The following DPP6 variants were observed in gnomAD, a reference collection of about 807,000 sequenced individuals.
The protein encoded by DPP6 is A-type potassium channel modulatory protein DPP6.
A neutral mutation model predicts 122.6 loss-of-function variants in DPP6; 69 were observed. The observed-to-expected ratio is 0.56, with a 90% CI of 0.46 to 0.69. The LOEUF is 0.69. Ranked by LOEUF, DPP6 falls within the 30% of genes least tolerant of loss-of-function variation. The pLI, the probability that DPP6 is intolerant of heterozygous loss-of-function variation, is 0.00. For synonymous variants in DPP6, 418 were observed against 433.1 expected, an observed-to-expected ratio of 0.97 and a Z score of 0.43; for missense variants, 928 against 1,116.9, an observed-to-expected ratio of 0.83 and a Z score of 2.41.
intron 1 of DPP6, among the ~76,000 whole-genome samples, chr7:153,978,872 A>T (rs1158272843): frequency 6.6e-6 from 1 of 152,016 alleles, no homozygotes; most frequent in African/African-American, 2.4e-5. Context: ...GTGCAGTGTT[A>T]CTTCTGAGGC....
At chr7:154,089,046 A>C (rs1004152341) in intron 1 of DPP6, among the ~76,000 whole-genome samples, 19 of 152,210 alleles carry the variant, frequency 1.2e-4, no homozygotes, top group Non-Finnish European at 2.1e-4. Context: ...ATGGAGTGAG[A>C]AGTAGTTGAA....
intron 1 of DPP6, among the ~76,000 whole-genome samples, chr7:153,908,506 A>G (rs1799943235): frequency 6.6e-6 from 1 of 152,210 alleles, no homozygotes; most frequent in Non-Finnish European, 1.5e-5. Flanking sequence ...TATAAAAAGA[A>G]TGGTAATTAA....
intron 3 of DPP6, chr7:154,475,416 C>T (rs1822644679): frequency 1.0e-5 from 3 of 289,228 alleles, no homozygotes; most frequent in Non-Finnish European, 2.0e-5. Flanking sequence ...AATCTTCATT[C>T]CCCTTTGTTC....
chr7:154,046,360 G>A (rs1258172677), intron 1 of DPP6, among the ~76,000 whole-genome samples: 1 of 152,200 alleles, frequency 6.6e-6, no homozygotes, highest in Non-Finnish European at 1.5e-5. Context: ...AAGTCAGGGT[G>A]GCAGTAGGTG....
chr7:153,853,986 G>A, the DPP6 span, among the ~76,000 whole-genome samples: 117 of 148,620 alleles, frequency 7.9e-4, no homozygotes, highest in Middle Eastern at 3.4e-3. Flanking sequence ...TAGGTCTAAC[G>A]TTTAAATCTT....
At chr7:153,843,583 T>C in the DPP6 span, among the ~76,000 whole-genome samples, 1 of 151,954 alleles carries the variant, frequency 6.6e-6, no homozygotes, top group African/African-American at 2.4e-5. Flanking sequence ...TTAAGTTTAG[T>C]GAGGGTGGGG....
At chr7:154,479,975 G>A (rs1419517542) in intron 3 of DPP6, among the ~76,000 whole-genome samples, 2 of 151,994 alleles carry the variant, frequency 1.3e-5, no homozygotes, top group African/African-American at 4.8e-5. Context: ...CCTGTCAACT[G>A]GCCTCAACAC....
At chr7:153,964,974 TTTTCC>T (rs1795604039) in intron 1 of DPP6, among the ~76,000 whole-genome samples, 2 of 128,324 alleles carry the variant, frequency 1.6e-5, no homozygotes, top group Admixed American at 7.8e-5. Context: ...CTTTCATTTC[TTTTCC>T]CTTCCTTCCT....
At chr7:154,752,495 A>G (rs997414805) in intron 8 of DPP6, among the ~76,000 whole-genome samples, 4 of 152,154 alleles carry the variant, frequency 2.6e-5, no homozygotes, top group African/African-American at 7.2e-5. Flanking sequence ...TGCATTTTGT[A>G]TACTGCAGCT....
At chr7:154,040,816 C>G (rs1341022865) in intron 1 of DPP6, among the ~76,000 whole-genome samples, 5 of 151,570 alleles carry the variant, frequency 3.3e-5, no homozygotes, top group Non-Finnish European at 7.4e-5. Context: ...CACACTTAGC[C>G]TGCGTGCTAC....
At chr7:154,428,164 A>T (rs1052791739) in intron 1 of DPP6, among the ~76,000 whole-genome samples, 1 of 152,192 alleles carries the variant, frequency 6.6e-6, no homozygotes, top group African/African-American at 2.4e-5. Context: ...TTTTTGTTGA[A>T]AATTGGGAAG....
the DPP6 span, among the ~76,000 whole-genome samples, chr7:153,771,769 T>C: frequency 6.6e-6 from 1 of 152,106 alleles, no homozygotes; most frequent in Non-Finnish European, 1.5e-5. Flanking sequence ...GAAAATGTAT[T>C]GCCAATAGAC....
intron 1 of DPP6, among the ~76,000 whole-genome samples, chr7:153,939,275 C>A (rs1296290254): frequency 6.6e-6 from 1 of 152,196 alleles, no homozygotes; most frequent in Non-Finnish European, 1.5e-5. Context: ...AACACACAGT[C>A]TATAAAGTAC....
rs181821010 is a variant in DPP6 at position 153,916,493 on chromosome 7, C to A, written c.51+28759C>A. 7.1e-3 allele frequency among the ~76,000 whole-genome samples: 1,061 copies of A among 148,902 alleles called. 10 individuals carry two copies. The highest frequency in any genetic ancestry group is 0.024 in the African/African-American group (991 of 40,558). ...GTGGCACGATCTCGGCTCACTGCAA[C>A]CTCTGCCTCCCAGGTTCAAGCAATT... On this transcript the variant is annotated intron_variant, in intron 1 of 25. Transcript: ENST00000404039.
At chr7:153,841,816 A>T in the DPP6 span, among the ~76,000 whole-genome samples, 1 of 152,226 alleles carries the variant, frequency 6.6e-6, no homozygotes, top group African/African-American at 2.4e-5. Flanking sequence ...TGCTGATCTA[A>T]CACACTCCAA....
intron 6 of DPP6, among the ~76,000 whole-genome samples, chr7:154,649,381 T>A (rs889416610): frequency 1.6e-4 from 24 of 152,250 alleles, no homozygotes; most frequent in Admixed American, 9.8e-4. Flanking sequence ...TTTTCCTTTC[T>A]CTTGGGTGAA....
intron 1 of DPP6, among the ~76,000 whole-genome samples, chr7:154,231,870 T>G (rs1398856368): frequency 6.6e-6 from 1 of 152,212 alleles, no homozygotes; most frequent in Non-Finnish European, 1.5e-5. Flanking sequence ...TTGAGCATAC[T>G]TGTAGCCCTT....
intron 5 of DPP6, among the ~76,000 whole-genome samples, chr7:154,579,440 C>T (rs1042948631): frequency 3.3e-5 from 5 of 152,168 alleles, no homozygotes; most frequent in Admixed American, 6.5e-5. Flanking sequence ...TGAGGAGATT[C>T]GGTAGGTATC....
intron 1 of DPP6, among the ~76,000 whole-genome samples, chr7:154,287,140 A>G (rs1455009118): frequency 1.3e-5 from 2 of 152,192 alleles, no homozygotes; most frequent in South Asian, 2.1e-4. Context: ...GAAAGCATGC[A>G]GTGTCTGACT....
Sources: gnomAD v4.1 joint callset for allele counts (sites outside exome capture counted in the v4.1 genomes callset) on GRCh38, gnomAD v4.1.1 for gene constraint, MANE v1.5 for transcripts, NCBI Gene and HGNC (gene_info 2026-07-23, HGNC 2026-07-21) for gene names.